Variants in GRM8 observed in about 807,000 individuals in gnomAD.
GRM8 encodes the protein metabotropic glutamate receptor 8.
A neutral mutation model predicts 87.2 loss-of-function variants in GRM8; 47 were observed. The observed-to-expected ratio is 0.54, with a 90% CI of 0.43 to 0.69. GRM8 has a LOEUF of 0.69. Ranked by LOEUF, GRM8 falls within the 30% of genes least tolerant of loss-of-function variation. GRM8 has a pLI of 0.00. For synonymous variants in GRM8, 396 were observed against 404.5 expected, an observed-to-expected ratio of 0.98 and a Z score of 0.25; for missense variants, 1,019 against 1,139.2, an observed-to-expected ratio of 0.89 and a Z score of 1.52.
intron 3 of GRM8, among the ~76,000 whole-genome samples, chr7:126,914,145 C>T (rs1803612571): frequency 6.6e-6 from 1 of 152,168 alleles, no homozygotes; most frequent in Non-Finnish European, 1.5e-5. Context: ...AGAAGACATA[C>T]AGGTGGCTAA....
chr7:127,063,358 T>A (rs1041595374), intron 3 of GRM8, among the ~76,000 whole-genome samples: 1 of 151,992 alleles, frequency 6.6e-6, no homozygotes, highest in African/African-American at 2.4e-5. Flanking sequence ...GGCAAATCAC[T>A]TGAGGTCAGG....
intron 2 of GRM8, among the ~76,000 whole-genome samples, chr7:127,158,737 G>A (rs1313409660): frequency 6.6e-6 from 1 of 151,994 alleles, no homozygotes; most frequent in African/African-American, 2.4e-5. Flanking sequence ...TATTTCATCA[G>A]GTATTAGGTT....
At chr7:126,457,095 A>C (rs73722612) in intron 9 of GRM8, among the ~76,000 whole-genome samples, 1 of 151,400 alleles carries the variant, frequency 6.6e-6, no homozygotes, top group East Asian at 1.9e-4. Flanking sequence ...GTGTGTATTG[A>C]AGTCAAAAAT....
chr7:127,230,682 G>C (rs1797630817), intron 2 of GRM8, among the ~76,000 whole-genome samples: 1 of 152,146 alleles, frequency 6.6e-6, no homozygotes, highest in Non-Finnish European at 1.5e-5. Flanking sequence ...AGACAGGAGA[G>C]AGCTTTTCTT....
intron 6 of GRM8, among the ~76,000 whole-genome samples, chr7:126,808,721 A>G (rs1434991806): frequency 6.6e-6 from 1 of 152,206 alleles, no homozygotes; most frequent in East Asian, 1.9e-4. Flanking sequence ...TTTAATAGGA[A>G]GTGACTTACT....
chr7:127,007,610 TTTTCGCATTTTTTGAAAG>T (rs1814446360), intron 3 of GRM8, among the ~76,000 whole-genome samples: 1 of 152,064 alleles, frequency 6.6e-6, no homozygotes, highest in Admixed American at 6.6e-5. Context: ...GATAATAAAT[TTTTCGCATTTTTTGAAAG>T]TTCAGGCCAA....
At chr7:127,035,161 T>G (rs1817736544) in intron 3 of GRM8, among the ~76,000 whole-genome samples, 1 of 152,156 alleles carries the variant, frequency 6.6e-6, no homozygotes, top group Non-Finnish European at 1.5e-5. Flanking sequence ...TGATACTCCA[T>G]AAAAAACAAT....
intron 8 of GRM8, among the ~76,000 whole-genome samples, chr7:126,586,719 TA>T (rs1796168300): frequency 6.6e-6 from 1 of 152,112 alleles, no homozygotes; most frequent in South Asian, 2.1e-4. Flanking sequence ...CCTAAAACCA[TA>T]AAAACCCTAG....
chr7:126,637,409 C>T (rs1801970681), intron 7 of GRM8, among the ~76,000 whole-genome samples: 1 of 151,922 alleles, frequency 6.6e-6, no homozygotes, highest in Non-Finnish European at 1.5e-5. Context: ...ATGCACTTCA[C>T]ATCACGAAAC....
intron 9 of GRM8, among the ~76,000 whole-genome samples, chr7:126,454,822 C>T (rs1803043780): frequency 6.6e-6 from 1 of 151,644 alleles, no homozygotes; most frequent in East Asian, 2.0e-4. Context: ...GGAGAGAGGC[C>T]TCAGAGGAAA....
chr7:127,053,590 C>A (rs1819685862), intron 3 of GRM8, among the ~76,000 whole-genome samples: 1 of 151,994 alleles, frequency 6.6e-6, no homozygotes, highest in Non-Finnish European at 1.5e-5. Context: ...GAGTTCAAGA[C>A]CAGCCTGACC....
intron 7 of GRM8, among the ~76,000 whole-genome samples, chr7:126,694,603 T>C (rs1167429530): frequency 6.6e-6 from 1 of 152,236 alleles, no homozygotes; most frequent in Admixed American, 6.5e-5. Flanking sequence ...ATAACTGTTA[T>C]ACATATGGAA....
intron 2 of GRM8, among the ~76,000 whole-genome samples, chr7:127,196,686 A>T (rs1205491346): frequency 6.6e-6 from 1 of 152,196 alleles, no homozygotes; most frequent in African/African-American, 2.4e-5. Context: ...TTCATAATTT[A>T]AAGGCAATAA....
chr7:126,824,436 T>A (rs988386312), intron 6 of GRM8, among the ~76,000 whole-genome samples: 2 of 152,244 alleles, frequency 1.3e-5, no homozygotes, highest in Non-Finnish European at 2.9e-5. Context: ...TCCCAGGAAG[T>A]CATTAGTGTC....
chr7:126,656,881 G>C (rs967182700), intron 7 of GRM8, among the ~76,000 whole-genome samples: 1 of 152,144 alleles, frequency 6.6e-6, no homozygotes, highest in African/African-American at 2.4e-5. Context: ...GGCATATTCA[G>C]GGAAACAAAT....
At chr7:127,204,263 ATAT>A (rs1795781741) in intron 2 of GRM8, among the ~76,000 whole-genome samples, 1 of 152,208 alleles carries the variant, frequency 6.6e-6, no homozygotes, top group Non-Finnish European at 1.5e-5. Context: ...ATTATTATAC[ATAT>A]CTAACTTTTG....
chr7:126,550,117 T>A (rs945327543), intron 8 of GRM8, among the ~76,000 whole-genome samples: 1 of 150,082 alleles, frequency 6.7e-6, no homozygotes, highest in East Asian at 1.9e-4. Context: ...TGTTTTTTTG[T>A]TTTTTTGTTT....
intron 3 of GRM8, among the ~76,000 whole-genome samples, chr7:126,919,579 T>C (rs1804295183): frequency 6.6e-6 from 1 of 152,068 alleles, no homozygotes; most frequent in Admixed American, 6.6e-5. Flanking sequence ...GACCAGTTCA[T>C]TGAAGCATTA....
intron 6 of GRM8, among the ~76,000 whole-genome samples, chr7:126,866,674 C>T (rs563859178): frequency 6.7e-6 from 1 of 148,712 alleles, no homozygotes; most frequent in South Asian, 2.2e-4. Flanking sequence ...TCACAGCAAC[C>T]TCCGCCTCCC....
Sources: gnomAD v4.1 joint callset for allele counts (sites outside exome capture counted in the v4.1 genomes callset) on GRCh38, gnomAD v4.1.1 for gene constraint, MANE v1.5 for transcripts, NCBI Gene and HGNC (gene_info 2026-07-23, HGNC 2026-07-21) for gene names.